The following SLC8A1 variants were observed in gnomAD, a reference collection of about 807,000 sequenced individuals.
SLC8A1 encodes sodium/calcium exchanger 1.
A neutral mutation model predicts 68.3 loss-of-function variants in SLC8A1; 18 were observed. The ratio of observed to expected loss-of-function variants is 0.26; its 90% CI spans 0.18 to 0.39. The LOEUF (loss-of-function observed/expected upper bound fraction) is 0.39. SLC8A1 is among the 10% of genes least tolerant of loss of function. The pLI is 1.00. For synonymous variants in SLC8A1, 475 were observed against 415.5 expected (o/e 1.14, Z -1.74); for missense variants, 985 against 1,156.7 (o/e 0.85, Z 2.15).
At chr2:40,321,514 A>G (rs1366119535) in intron 2 of SLC8A1, among the ~76,000 whole-genome samples, 2 of 152,062 alleles carry the variant, frequency 1.3e-5, no homozygotes, top group Non-Finnish European at 2.9e-5. Flanking sequence ...CATACCCGAG[A>G]CTGGGTAATT....
intron 2 of SLC8A1, among the ~76,000 whole-genome samples, chr2:40,334,055 A>G (rs1363468376): frequency 1.3e-5 from 2 of 152,186 alleles, no homozygotes; most frequent in Admixed American, 6.5e-5. Flanking sequence ...CTCAAAAACA[A>G]CAACAACAAA....
chr2:40,115,231 T>A (rs1322723856), exon 8 of SLC8A1: 1 of 1,518,886 alleles, frequency 6.6e-7, no homozygotes, highest in South Asian at 1.3e-5. Flanking sequence ...TATATATAAA[T>A]TTACTATATC....
chr2:40,253,781 C>G (rs1305245128), intron 2 of SLC8A1, among the ~76,000 whole-genome samples: 2 of 131,502 alleles, frequency 1.5e-5, no homozygotes, highest in Non-Finnish European at 3.1e-5. Flanking sequence ...GAGCCGAGAT[C>G]ATGCCATTGC....
At chr2:40,130,909 C>T (rs902891611) in intron 7 of SLC8A1, among the ~76,000 whole-genome samples, 4 of 152,190 alleles carry the variant, frequency 2.6e-5, no homozygotes, top group African/African-American at 9.7e-5. Context: ...GAATTCCTAC[C>T]ATAGGGAAAA....
At chr2:40,463,206 G>A (rs567662600) in intron 1 of SLC8A1, among the ~76,000 whole-genome samples, 1 of 152,256 alleles carries the variant, frequency 6.6e-6, no homozygotes, top group African/African-American at 2.4e-5. Flanking sequence ...GGCTAGGAAA[G>A]GAGGGAGTGA....
At chr2:40,192,943 T>G (rs2052173792) in intron 2 of SLC8A1, among the ~76,000 whole-genome samples, 1 of 152,150 alleles carries the variant, frequency 6.6e-6, no homozygotes, top group Non-Finnish European at 1.5e-5. Context: ...GGCAGTACTG[T>G]CTGTATTCAA....
At chr2:40,296,778 G>A (rs2149252147) in intron 2 of SLC8A1, among the ~76,000 whole-genome samples, 1 of 152,204 alleles carries the variant, frequency 6.6e-6, no homozygotes, top group South Asian at 2.1e-4. Flanking sequence ...TGCTGAAATT[G>A]CCATGAGCTA....
intron 1 of SLC8A1, among the ~76,000 whole-genome samples, chr2:40,478,767 T>G (rs1457054112): frequency 6.6e-6 from 1 of 151,552 alleles, no homozygotes; most frequent in South Asian, 2.1e-4. Context: ...AACCACCTAA[T>G]TTGTTTGTTT....
chr2:40,267,949 C>G (rs1022911393), intron 2 of SLC8A1, among the ~76,000 whole-genome samples: 1 of 152,100 alleles, frequency 6.6e-6, no homozygotes, highest in Non-Finnish European at 1.5e-5. Flanking sequence ...GACAGCCACC[C>G]TTTTCTGTTG....
At chr2:40,419,889 T>C (rs1694994415) in intron 2 of SLC8A1, among the ~76,000 whole-genome samples, 1 of 152,174 alleles carries the variant, frequency 6.6e-6, no homozygotes, top group African/African-American at 2.4e-5. Flanking sequence ...TATAAACACA[T>C]TGCTATCAGG....
chr2:40,353,517 C>G lies in SLC8A1; in HGVS notation c.1808+74956G>C, dbSNP rs1049689001. The stretch of plus-strand genomic sequence containing the variant: ...CTCCTCTCATGCCTCATTACAACAT[C>G]GCTAACATCAAGTCCAACATTCTAA... On this transcript the variant is annotated intron_variant, in intron 2 of 7. Coordinates refer to ENST00000406785, the Ensembl canonical transcript of SLC8A1. Among the ~76,000 whole-genome samples, 6 of 151,900 alleles carry G rather than the reference C, an allele frequency of 3.9e-5. 1 individual carries two copies. The highest frequency in any genetic ancestry group is 1.5e-4 in the African/African-American group (6 of 41,320).
chr2:40,322,096 C>CT (rs756453390), intron 2 of SLC8A1, among the ~76,000 whole-genome samples: 4 of 151,928 alleles, frequency 2.6e-5, no homozygotes, highest in Non-Finnish European at 5.9e-5. Context: ...TTTCTTTGAC[C>CT]TTTTTTACCC....
intron 2 of SLC8A1, among the ~76,000 whole-genome samples, chr2:40,327,806 C>A (rs1245998452): frequency 6.6e-6 from 1 of 152,068 alleles, no homozygotes; most frequent in African/African-American, 2.4e-5. Flanking sequence ...ATACTATGGT[C>A]CCTACCTGGG....
At chr2:40,383,825 A>G (rs557422546) in intron 2 of SLC8A1, among the ~76,000 whole-genome samples, 1 of 152,220 alleles carries the variant, frequency 6.6e-6, no homozygotes, top group South Asian at 2.1e-4. Context: ...AAATTGTCAT[A>G]ATTAATAGCA....
At chr2:40,262,240 C>G (rs958291788) in intron 2 of SLC8A1, among the ~76,000 whole-genome samples, 4 of 152,182 alleles carry the variant, frequency 2.6e-5, no homozygotes, top group African/African-American at 4.8e-5. Context: ...GGATTACAGG[C>G]ATGAGCCACC....
At chr2:40,105,967 G>A (rs2373790) in exon 8 of SLC8A1, 117,709 of 152,100 alleles carry the variant, frequency 0.77, 46,905 homozygotes, top group East Asian at 0.97. Context: ...TGTGAATGGG[G>A]GCAGGAGAGG....
At chr2:40,473,192 T>C in intron 1 of SLC8A1, among the ~76,000 whole-genome samples, 1 of 151,912 alleles carries the variant, frequency 6.6e-6, no homozygotes, top group East Asian at 1.9e-4. Context: ...ACATGGAAAA[T>C]GAAGAAAGAA....
intron 1 of SLC8A1, chr2:40,446,765 G>A (rs1336286055): frequency 6.6e-6 from 1 of 152,314 alleles, no homozygotes; most frequent in East Asian, 1.9e-4. Context: ...CCTTAAGTCA[G>A]AAAAATGATG....
At chr2:40,377,144 G>C (rs973215213) in intron 2 of SLC8A1, among the ~76,000 whole-genome samples, 5 of 152,040 alleles carry the variant, frequency 3.3e-5, no homozygotes, top group African/African-American at 1.2e-4. Flanking sequence ...AGTTTATCCC[G>C]AGTGAGCCTA....
Sources: gnomAD v4.1 joint callset for allele counts (sites outside exome capture counted in the v4.1 genomes callset) on GRCh38, gnomAD v4.1.1 for gene constraint, MANE v1.5 for transcripts, NCBI Gene and HGNC (gene_info 2026-07-23, HGNC 2026-07-21) for gene names.